Variants in NALF1 observed in about 807,000 individuals in gnomAD.
NALF1 encodes the protein NALCN channel auxiliary factor 1, also known as family with sequence similarity 155 member A.
A neutral mutation model predicts 48.4 loss-of-function variants in NALF1; 3 were observed. The ratio of observed to expected loss-of-function variants is 0.06; its 90% confidence interval spans 0.03 to 0.16. The LOEUF is 0.16. Among genes scored for constraint, NALF1 ranks in the 10% least tolerant of loss-of-function variants. NALF1 has a pLI of 1.00. For missense variants in NALF1, 526 were observed against 571.5 expected (o/e 0.92, Z 0.81); for synonymous variants, 262 against 245.7 (o/e 1.07, Z -0.62).
At chr13:107,782,136 C>G (rs899481537) in intron 1 of NALF1, among the ~76,000 whole-genome samples, 4 of 152,202 alleles carry the variant, frequency 2.6e-5, no homozygotes, top group East Asian at 1.9e-4. Context: ...GCCATCTCGG[C>G]TCACTGCAAC....
At chr13:107,499,218 AG>A (rs1875435806) in intron 1 of NALF1, among the ~76,000 whole-genome samples, 1 of 152,208 alleles carries the variant, frequency 6.6e-6, no homozygotes, top group African/African-American at 2.4e-5. Context: ...TAGGACCTAA[AG>A]GACAATTCAT....
At chr13:107,758,787 A>G (rs4616152) in intron 1 of NALF1, among the ~76,000 whole-genome samples, 2,344 of 152,300 alleles carry the variant, frequency 0.015, 61 homozygotes, top group African/African-American at 0.054. Flanking sequence ...TCTCCACAAA[A>G]TACAAGTTTG....
intron 2 of NALF1, among the ~76,000 whole-genome samples, chr13:107,194,059 T>TATAC (rs1555325895): frequency 2.0e-5 from 2 of 101,722 alleles, no homozygotes; most frequent in Admixed American, 1.9e-4. Context: ...TATCTATCTA[T>TATAC]ATATCAATCT....
intron 1 of NALF1, among the ~76,000 whole-genome samples, chr13:107,833,739 C>G (rs1212556372): frequency 6.6e-6 from 1 of 152,136 alleles, no homozygotes; most frequent in Non-Finnish European, 1.5e-5. Context: ...TTCTGACCAC[C>G]TGTTACCTAA....
chr13:107,443,929 T>C (rs1417286846), intron 1 of NALF1, among the ~76,000 whole-genome samples: 1 of 152,214 alleles, frequency 6.6e-6, no homozygotes, highest in Non-Finnish European at 1.5e-5. Flanking sequence ...ATTAGCAACA[T>C]GAGGCATTTC....
intron 1 of NALF1, among the ~76,000 whole-genome samples, chr13:107,304,159 T>C (rs927364899): frequency 6.6e-6 from 1 of 152,194 alleles, no homozygotes; most frequent in Admixed American, 6.6e-5. Context: ...AGAGCATCAC[T>C]CTTCTTAAAT....
chr13:107,317,601 A>C (rs1325165600), intron 1 of NALF1, among the ~76,000 whole-genome samples: 1 of 152,084 alleles, frequency 6.6e-6, no homozygotes, highest in Admixed American at 6.6e-5. Flanking sequence ...AACAGATTAC[A>C]CTTCTAGTTT....
intron 1 of NALF1, among the ~76,000 whole-genome samples, chr13:107,242,623 A>T (rs1338907430): frequency 1.3e-5 from 2 of 152,244 alleles, no homozygotes; most frequent in African/African-American, 4.8e-5. Context: ...CACAATTCAT[A>T]AATAATTCAA....
intron 1 of NALF1, among the ~76,000 whole-genome samples, chr13:107,211,027 C>T (rs1003215852): frequency 5.3e-5 from 8 of 152,180 alleles, no homozygotes; most frequent in Non-Finnish European, 7.4e-5. Flanking sequence ...ATTTGAAAAT[C>T]AGTGGATTTA....
At chr13:107,666,252 G>A (rs767429399) in intron 1 of NALF1, among the ~76,000 whole-genome samples, 1 of 152,176 alleles carries the variant, frequency 6.6e-6, no homozygotes, top group Non-Finnish European at 1.5e-5. Context: ...CAGGCAAAAT[G>A]TCTTGAGCAT....
chr13:107,702,277 A>AT (rs1236029525), intron 1 of NALF1, among the ~76,000 whole-genome samples: 1 of 152,184 alleles, frequency 6.6e-6, no homozygotes, highest in Non-Finnish European at 1.5e-5. Context: ...ATAAGTAGCA[A>AT]TTACTGTAAT....
rs141445193 is a variant in NALF1, at chr13:107,165,964, A to G, written c.*4533T>C. 23 of 151,738 alleles carry G rather than the reference A, an allele frequency of 1.5e-4. No homozygotes were observed. Among genetic ancestry groups the G allele is most frequent in the African/African-American group, 5.6e-4 (23 of 41,210 alleles). The allele number at this position is 151,738 out of a possible 1,614,324, so 9.4% of individuals were successfully genotyped here. On this transcript the variant is annotated 3_prime_UTR_variant, in exon 3 of 3. Coordinates refer to ENST00000375915, the MANE Select transcript of NALF1 (RefSeq NM_001080396.3). ...ATCATTATGGTATACATGTGCTGTTATGGACTACATAATGTTTTGGTTGAA... is the reference window on the plus strand; with the variant it reads ...ATCATTATGGTATACATGTGCTGTTGTGGACTACATAATGTTTTGGTTGAA...
chr13:107,242,416 G>A (rs1225170767), intron 1 of NALF1, among the ~76,000 whole-genome samples: 1 of 152,192 alleles, frequency 6.6e-6, no homozygotes, highest in Non-Finnish European at 1.5e-5. Flanking sequence ...ACCTCCAGGA[G>A]GAATTAAAGG....
chr13:107,757,152 G>C (rs1184853711), intron 1 of NALF1, among the ~76,000 whole-genome samples: 2 of 152,200 alleles, frequency 1.3e-5, no homozygotes, highest in African/African-American at 4.8e-5. Flanking sequence ...GGCAGTGATT[G>C]AGGTAGTATG....
At chr13:107,467,178 A>G (rs1885017994) in intron 1 of NALF1, among the ~76,000 whole-genome samples, 1 of 152,178 alleles carries the variant, frequency 6.6e-6, no homozygotes, top group African/African-American at 2.4e-5. Flanking sequence ...ACATGTTGGT[A>G]GTCTTTTGAA....
At chr13:107,823,906 C>T (rs1222165603) in intron 1 of NALF1, among the ~76,000 whole-genome samples, 2 of 151,982 alleles carry the variant, frequency 1.3e-5, no homozygotes, top group Non-Finnish European at 2.9e-5. Context: ...TGGGAGAAAT[C>T]AATGATTTAA....
At chr13:107,846,441 CT>C (rs1444478668) in intron 1 of NALF1, among the ~76,000 whole-genome samples, 1 of 152,130 alleles carries the variant, frequency 6.6e-6, no homozygotes, top group African/African-American at 2.4e-5. Context: ...TTCGTCTATC[CT>C]GATTGATAGA....
At chr13:107,329,512 T>A (rs1882428121) in intron 1 of NALF1, among the ~76,000 whole-genome samples, 1 of 151,984 alleles carries the variant, frequency 6.6e-6, no homozygotes, top group South Asian at 2.1e-4. Context: ...AATTTTATTA[T>A]TATTATACTT....
At position 107,307,000 on chromosome 13, in the gene NALF1, C is replaced by T. The variant is rs1011948310; in HGVS notation, c.916-96245G>A. 3.9e-5 allele frequency among the ~76,000 whole-genome samples: 6 copies of T among 152,234 alleles called. 1 individual carries two copies. The highest frequency in any genetic ancestry group is 2.0e-4 in the Admixed American group (3 of 15,280). On this transcript the variant is annotated intron_variant, in intron 1 of 2. Transcript: ENST00000375915. ...CAAAACAAAACAAAAACCCCAAACACGTTTTTGCCATGGGAAGTCTCATCT... is the reference window on the plus strand; with the variant it reads ...CAAAACAAAACAAAAACCCCAAACATGTTTTTGCCATGGGAAGTCTCATCT...
Sources: gnomAD v4.1 joint callset for allele counts (sites outside exome capture counted in the v4.1 genomes callset) on GRCh38, gnomAD v4.1.1 for gene constraint, MANE v1.5 for transcripts, NCBI Gene and HGNC (gene_info 2026-07-23, HGNC 2026-07-21) for gene names.